Variants in GALNT15 observed in about 807,000 individuals in gnomAD.
GALNT15 encodes polypeptide N-acetylgalactosaminyltransferase 15, also known as UDP-GalNAc transferase T15.
In GALNT15, 67 loss-of-function variants were observed where a neutral mutation model predicts 66.8. The ratio of observed to expected loss-of-function variants is 1.00; its 90% CI spans 0.82 to 1.23. GALNT15 has a LOEUF of 1.23. Ranked by LOEUF, GALNT15 falls within the 50% of genes most tolerant of loss-of-function variation. GALNT15 has a pLI of 0.00. For synonymous variants in GALNT15, 313 were observed against 311.5 expected, an observed-to-expected ratio of 1.00 and a Z score of -0.05; for missense variants, 827 against 804.3, an observed-to-expected ratio of 1.03 and a Z score of -0.34.
At chr3:16,194,403 T>A (rs2063610523) in intron 1 of GALNT15, among the ~76,000 whole-genome samples, 1 of 152,224 alleles carries the variant, frequency 6.6e-6, no homozygotes, top group Non-Finnish European at 1.5e-5. Context: ...TTCTTGTAAA[T>A]TTGCATAAGT....
At chr3:16,178,745 G>C (rs943162668) in intron 1 of GALNT15, among the ~76,000 whole-genome samples, 1 of 152,226 alleles carries the variant, frequency 6.6e-6, no homozygotes, top group Non-Finnish European at 1.5e-5. Context: ...CAACACAGAA[G>C]AGAAACAGGC....
rs1392924990 is a variant in GALNT15 at position 16,184,279 on chromosome 3, CAT to C, written c.539+8591_539+8592del. ...TAGCCTCATTATTTAACAATAAAAA[CAT>C]ACATTTCTTCCTGGATCCTCTGCAT... On this transcript the variant is annotated intron_variant, in intron 1 of 9. Coordinates refer to ENST00000339732, the MANE Select transcript of GALNT15 (RefSeq NM_054110.5). The surrounding 1 kb of genome is among the most constrained non-coding windows in gnomAD (Gnocchi z 5.0). Among the ~76,000 whole-genome samples, 1 of 152,216 alleles carries C rather than the reference CAT, an allele frequency of 6.6e-6. No homozygotes were observed. Among genetic ancestry groups the C allele is most frequent in the Non-Finnish European group, 1.5e-5 (1 of 68,032 alleles).
the GALNT15 span, among the ~76,000 whole-genome samples, chr3:16,237,978 A>C: frequency 4.6e-5 from 7 of 152,212 alleles, no homozygotes; most frequent in Non-Finnish European, 1.0e-4. The surrounding 1 kb of genome is among the most constrained non-coding windows in gnomAD (Gnocchi z 4.2). Context: ...CTAGCCTTGC[A>C]GGTGGGATCC....
At chr3:16,213,974 T>A (rs2063846113) in intron 6 of GALNT15, among the ~76,000 whole-genome samples, 1 of 152,182 alleles carries the variant, frequency 6.6e-6, no homozygotes. Flanking sequence ...CTTTGTTTCT[T>A]TAGCTGGGGA....
chr3:16,187,809 T>A lies in GALNT15; in HGVS notation c.540-7951T>A, dbSNP rs909359366. Among the ~76,000 whole-genome samples, 5 of 152,364 alleles carry A rather than the reference T, an allele frequency of 3.3e-5. No homozygotes were observed. The highest frequency in any genetic ancestry group is 6.5e-5 in the Admixed American group (1 of 15,308). On this transcript the variant is annotated intron_variant, in intron 1 of 9. Transcript: ENST00000339732. This position sits in a 1 kb window ranked among gnomAD's most constrained non-coding sequence, Gnocchi z 5.1. ...TAATTCTTGTAATAATTCATGCTGC[T>A]AAAGCACAGCACCTGGTACATAGGA...
chr3:16,211,892 C>T lies in GALNT15; in HGVS notation c.1197+651C>T, dbSNP rs1048493879. On this transcript the variant is annotated intron_variant, in intron 5 of 9. Coordinates refer to ENST00000339732, the MANE Select transcript of GALNT15 (RefSeq NM_054110.5). The surrounding 1 kb of genome is among the most constrained non-coding windows in gnomAD (Gnocchi z 4.3). ...CACCGTGTTTCTCTCAAAAATTTAA[C>T]CCCAGACCCTATGAGTTTGCTGTGG... Among the ~76,000 whole-genome samples, 1 of 152,210 alleles carries T rather than the reference C, an allele frequency of 6.6e-6. No individual in the cohort carries two copies. The highest frequency in any genetic ancestry group is 2.4e-5 in the African/African-American group (1 of 41,458).
chr3:16,220,209 A>T, intron 8 of GALNT15, 195 bp downstream of exon 8: 1 of 581,942 alleles, frequency 1.7e-6, no homozygotes, highest in Non-Finnish European at 3.1e-6. Context: ...AAGCACAGAC[A>T]TGTGCCATTG....
intron 1 of GALNT15, among the ~76,000 whole-genome samples, chr3:16,178,557 GC>G (rs1207269536): frequency 6.6e-6 from 1 of 152,134 alleles, no homozygotes; most frequent in Admixed American, 6.5e-5. Context: ...CGCAGCCCAG[GC>G]CTTGGCTGCA....
chr3:16,234,986 G>A (rs62233886), downstream of GALNT15, among the ~76,000 whole-genome samples: 19,389 of 149,882 alleles, frequency 0.13, 1,434 homozygotes, highest in African/African-American at 0.18. Flanking sequence ...GCAGTGGTGC[G>A]ATCCCAGCTC....
At chr3:16,201,461 G>C (rs1000565214) in intron 3 of GALNT15, among the ~76,000 whole-genome samples, 4 of 152,106 alleles carry the variant, frequency 2.6e-5, no homozygotes, top group Non-Finnish European at 5.9e-5. Context: ...GATTACAGGC[G>C]TGAGCCACCG....
chr3:16,233,736 G>A (rs1489754223), downstream of GALNT15, among the ~76,000 whole-genome samples: 1 of 152,112 alleles, frequency 6.6e-6, no homozygotes, highest in Non-Finnish European at 1.5e-5. Context: ...TCTTGATGGA[G>A]TGAACAGCAT....
chr3:16,192,571 AAAG>A (rs1314877811), intron 1 of GALNT15, among the ~76,000 whole-genome samples: 1 of 152,206 alleles, frequency 6.6e-6, no homozygotes, highest in Non-Finnish European at 1.5e-5. Context: ...CATGGCCACA[AAAG>A]AAGTGGAGAG....
chr3:16,190,213 A>C (rs991025458), intron 1 of GALNT15, among the ~76,000 whole-genome samples: 1 of 152,338 alleles, frequency 6.6e-6, no homozygotes, highest in African/African-American at 2.4e-5. Flanking sequence ...GATGAAGCCC[A>C]TCCTGGGATG....
chr3:16,222,550 C>T (rs1286340651), intron 8 of GALNT15, 65 bp from the exon 9 acceptor site: 7 of 1,595,812 alleles, frequency 4.4e-6, no homozygotes, highest in South Asian at 1.1e-5. Flanking sequence ...GTTCTTCTTA[C>T]CTCCTCTACA....
In GALNT15 at chr3:16,176,177, T is replaced by C. The variant is rs2063408010; in HGVS notation, c.539+487T>C. Among the ~76,000 whole-genome samples, 2 of 152,222 alleles carry C rather than the reference T, an allele frequency of 1.3e-5. No homozygotes were observed. Among genetic ancestry groups the C allele is most frequent in the Admixed American group, 1.3e-4 (2 of 15,280 alleles). ...CTTTTAGTTTGGATCAAAATAACAATTGCAGTTTACATTTAGGGGGCTCTT... is the reference window on the plus strand; with the variant it reads ...CTTTTAGTTTGGATCAAAATAACAACTGCAGTTTACATTTAGGGGGCTCTT... On this transcript the variant is annotated intron_variant, in intron 1 of 9. Transcript: ENST00000339732. The surrounding 1 kb of genome is among the most constrained non-coding windows in gnomAD (Gnocchi z 5.6).
At position 16,175,038 on chromosome 3, in the gene GALNT15, G is replaced by T; in HGVS notation, c.-114G>T. ...TCAGGACCAGGTTAAGTGACTGGCA[G>T]AAAAACTTCCAGGTGGAACAAGCAA... On this transcript the variant is annotated 5_prime_UTR_variant, in exon 1 of 10. Coordinates refer to ENST00000339732, the MANE Select transcript of GALNT15 (RefSeq NM_054110.5). This position sits in a 1 kb window ranked among gnomAD's most constrained non-coding sequence, Gnocchi z 5.6. The T allele has an allele frequency of 2.0e-6, 2 of 983,862 alleles. No individual in the cohort carries two copies. Among genetic ancestry groups the T allele is most frequent in the Non-Finnish European group, 3.0e-6 (2 of 667,142 alleles). The allele number at this position is 983,862 out of a possible 1,614,324, so 60.9% of individuals were successfully genotyped here.
At chr3:16,237,102 C>G in the GALNT15 span, among the ~76,000 whole-genome samples, 1 of 152,238 alleles carries the variant, frequency 6.6e-6, no homozygotes, top group Non-Finnish European at 1.5e-5. The surrounding 1 kb of genome is among the most constrained non-coding windows in gnomAD (Gnocchi z 4.2). Flanking sequence ...GACACAAGCT[C>G]TGGTGTAGGA....
rs2064064275 is a variant in GALNT15, at chr3:16,229,733, T to C, written c.*2233T>C. The C allele has an allele frequency of 8.2e-6, 8 of 979,550 alleles. No homozygotes were observed. The South Asian group carries it at 3.3e-4, about 40-fold the overall frequency. The allele number at this position is 979,550 out of a possible 1,614,324, so 60.7% of individuals were successfully genotyped here. On this transcript the variant is annotated 3_prime_UTR_variant, in exon 10 of 10. Transcript: ENST00000339732. Reference sequence around the variant, plus strand: ...AAATTAATATAATTAAATAAAAGACTGAATTTAATTGCATAAATTGTATTA... The same window carrying C: ...AAATTAATATAATTAAATAAAAGACCGAATTTAATTGCATAAATTGTATTA...
At chr3:16,208,067 G>A (rs1294693799) in intron 3 of GALNT15, among the ~76,000 whole-genome samples, 1 of 152,144 alleles carries the variant, frequency 6.6e-6, no homozygotes, top group African/African-American at 2.4e-5. Flanking sequence ...AGAAAGAAAA[G>A]TACTGGCATG....
Sources: allele counts gnomAD v4.1 joint callset (sites outside exome capture counted in the v4.1 genomes callset), GRCh38; gene constraint gnomAD v4.1.1; non-coding constraint Gnocchi (gnomAD v3.1); transcripts MANE v1.5; gene names NCBI Gene and HGNC (gene_info 2026-07-23, HGNC 2026-07-21).